The following ZFHX3 variants were observed in gnomAD, a reference collection of about 807,000 sequenced individuals.
ZFHX3 encodes the protein zinc finger homeobox protein 3.
In ZFHX3, 42 loss-of-function variants were observed where a neutral mutation model predicts 279.1. The ratio of observed to expected loss-of-function variants is 0.15; its 90% CI spans 0.12 to 0.19. ZFHX3 has a LOEUF of 0.19. Among genes scored for constraint, ZFHX3 ranks in the 10% least tolerant of loss-of-function variants. ZFHX3 has a pLI of 1.00. For synonymous variants in ZFHX3, 2,293 were observed against 1,957.8 expected, an observed-to-expected ratio of 1.17 and a Z score of -4.52; for missense variants, 4,981 against 4,754.0, an observed-to-expected ratio of 1.05 and a Z score of -1.40.
intron 2 of ZFHX3, among the ~76,000 whole-genome samples, chr16:73,487,910 T>C (rs2019001813): frequency 6.6e-6 from 1 of 152,154 alleles, no homozygotes; most frequent in Non-Finnish European, 1.5e-5. Context: ...GATGAGAACC[T>C]ACATGGAAAG....
chr16:73,831,724 A>G (rs900590298), intron 1 of ZFHX3, among the ~76,000 whole-genome samples: 26 of 152,278 alleles, frequency 1.7e-4, no homozygotes, highest in South Asian at 4.2e-4. Context: ...CCTTGCATCC[A>G]CAGGAGACTG....
intron 3 of ZFHX3, among the ~76,000 whole-genome samples, chr16:73,419,026 T>C (rs1019687365): frequency 2.0e-5 from 3 of 152,104 alleles, no homozygotes; most frequent in Admixed American, 1.3e-4. Flanking sequence ...CACTCAGCTC[T>C]AGAGTAAACA....
At chr16:73,070,915 T>TAC (rs1217811045) in intron 8 of ZFHX3, among the ~76,000 whole-genome samples, 30 of 90,588 alleles carry the variant, frequency 3.3e-4, no homozygotes, top group African/African-American at 1.3e-3. Context: ...TAGACCGTCT[T>TAC]GCGCGCGCGC....
chr16:73,752,131 A>G (rs529960493), intron 1 of ZFHX3, among the ~76,000 whole-genome samples: 82 of 152,254 alleles, frequency 5.4e-4, no homozygotes, highest in African/African-American at 1.9e-3. Context: ...CCATGGTGCC[A>G]TTTATACGTA....
At chr16:73,766,734 G>C (rs542936620) in intron 1 of ZFHX3, among the ~76,000 whole-genome samples, 2 of 152,246 alleles carry the variant, frequency 1.3e-5, no homozygotes, top group African/African-American at 4.8e-5. Flanking sequence ...CAGGACCGCA[G>C]ACCAGAAGTG....
intron 5 of ZFHX3, among the ~76,000 whole-genome samples, chr16:72,821,145 G>A (rs2036780696): frequency 6.6e-6 from 1 of 152,192 alleles, no homozygotes; most frequent in Non-Finnish European, 1.5e-5. Flanking sequence ...GAGAACTGCT[G>A]AATATAACTT....
intron 1 of ZFHX3, among the ~76,000 whole-genome samples, chr16:73,807,551 C>G (rs916512153): frequency 1.3e-5 from 2 of 151,612 alleles, no homozygotes; most frequent in African/African-American, 4.8e-5. Context: ...ATCTCCTGGG[C>G]TCAAGCAATC....
At chr16:73,324,025 G>A (rs971475262) in intron 3 of ZFHX3, among the ~76,000 whole-genome samples, 2 of 152,220 alleles carry the variant, frequency 1.3e-5, no homozygotes, top group Non-Finnish European at 2.9e-5. Context: ...GGGCCCGAGT[G>A]TATGGTAGAG....
intron 2 of ZFHX3, among the ~76,000 whole-genome samples, chr16:73,480,428 C>T (rs1418687966): frequency 6.6e-6 from 1 of 152,124 alleles, no homozygotes; most frequent in African/African-American, 2.4e-5. Context: ...TTCCAGTTTT[C>T]CCCCTCACCT....
chr16:73,156,248 A>AG, intron 5 of ZFHX3, among the ~76,000 whole-genome samples: 1 of 151,718 alleles, frequency 6.6e-6, no homozygotes, highest in East Asian at 1.9e-4. Context: ...AAAAAAAAAA[A>AG]AAAGACTATA....
intron 7 of ZFHX3, chr16:73,123,697 C>T (rs557985927): frequency 6.6e-6 from 1 of 152,088 alleles, no homozygotes; most frequent in Admixed American, 6.6e-5. Context: ...GTTTGAGTCA[C>T]CTGGAAATTA....
chr16:73,065,887 TC>T (rs1040196542), intron 8 of ZFHX3, among the ~76,000 whole-genome samples: 1 of 152,194 alleles, frequency 6.6e-6, no homozygotes, highest in Non-Finnish European at 1.5e-5. Context: ...TTCGTTGGTT[TC>T]CCATTCTCAG....
chr16:73,311,240 CA>C (rs201871340), intron 4 of ZFHX3, among the ~76,000 whole-genome samples: 15 of 147,680 alleles, frequency 1.0e-4, no homozygotes, highest in East Asian at 8.0e-4. Flanking sequence ...TCTCCCTCCA[CA>C]AAAAAAAACA....
intron 1 of ZFHX3, among the ~76,000 whole-genome samples, chr16:73,013,312 G>C (rs143453201): frequency 6.6e-6 from 1 of 152,282 alleles, no homozygotes; most frequent in African/African-American, 2.4e-5. Flanking sequence ...TTTTGAGACA[G>C]GGTCTTGCTC....
chr16:73,718,571 C>T lies in ZFHX3; in HGVS notation c.-1607-38331G>A, dbSNP rs144989640. ...CATGGTGCTACCTTACACAGCCAGA[C>T]CATGAGCTGAATCATGTTTGTTTAT... On this transcript the variant is annotated intron_variant, in intron 1 of 17. Coordinates refer to the ZFHX3 transcript ENST00000641206. Among the ~76,000 whole-genome samples the T allele has an allele frequency of 7.0e-3, 1,063 of 151,970 alleles. 7 individuals are homozygous for T. The highest frequency in any genetic ancestry group is 0.011 in the Non-Finnish European group (734 of 67,966).
chr16:73,523,039 T>G (rs143689821), intron 2 of ZFHX3, among the ~76,000 whole-genome samples: 1 of 152,064 alleles, frequency 6.6e-6, no homozygotes, highest in Non-Finnish European at 1.5e-5. Flanking sequence ...CGGTGGCAAT[T>G]ATGGGAACTA....
In ZFHX3 at chr16:72,785,009, C is replaced by T. The variant is rs1264123539; in HGVS notation, c.*2155G>A. The T allele has an allele frequency of 6.6e-6, 1 of 152,534 alleles. No individual in the cohort carries two copies. The highest frequency in any genetic ancestry group is 1.5e-5 in the Non-Finnish European group (1 of 68,034). 9.4% of individuals were successfully genotyped at this position (152,534 alleles called of 1,614,324 possible). A position where few individuals can be genotyped will look rare whatever the true frequency, so the allele number is the denominator to read the frequency against. ...TGGCTTCAGCACTGGGGAAAGAAGC[C>T]CGAAAGGTGACCAATGGAACCTGTA... On this transcript the variant is annotated 3_prime_UTR_variant, in exon 10 of 10. Coordinates refer to ENST00000268489, the MANE Select transcript of ZFHX3 (RefSeq NM_006885.4).
rs953396181 is a variant in ZFHX3, at chr16:73,112,943, C to G, written c.-897+18025G>C. Among the ~76,000 whole-genome samples, 3 of 152,016 alleles carry G rather than the reference C, an allele frequency of 2.0e-5. 1 individual carries two copies. Among genetic ancestry groups the G allele is most frequent in the Admixed American group, 6.6e-5 (1 of 15,248 alleles). The stretch of plus-strand genomic sequence containing the variant: ...CTGGAGTTATCCTGCACACTTTGGA[C>G]CCAGCACCCACAGCAGCCCTGCGCC... On this transcript the variant is annotated intron_variant, in intron 7 of 17. Transcript: ENST00000641206.
chr16:73,108,859 C>T (rs1022541920), intron 7 of ZFHX3, among the ~76,000 whole-genome samples: 3 of 152,258 alleles, frequency 2.0e-5, no homozygotes, highest in Admixed American at 1.3e-4. Context: ...AATGACCCTG[C>T]CTGCCCTGCA....
Sources: allele counts gnomAD v4.1 joint callset (sites outside exome capture counted in the v4.1 genomes callset), GRCh38; gene constraint gnomAD v4.1.1; transcripts MANE v1.5; gene names NCBI Gene and HGNC (gene_info 2026-07-23, HGNC 2026-07-21).